STK33: variants seen among roughly 807,000 people sequenced by gnomAD.
The protein encoded by STK33 is serine/threonine kinase 33.
STK33 carries 52 observed loss-of-function variants against 58.0 expected under a neutral mutation model. That is an observed-to-expected ratio of 0.90 (90% CI 0.72 to 1.13). The LOEUF is 1.13. Among genes scored for constraint, STK33 ranks in the 50% most tolerant of loss-of-function variants. The pLI, the probability that STK33 is intolerant of heterozygous loss-of-function variation, is 0.00. For missense variants in STK33, 630 were observed against 604.2 expected (o/e 1.04, Z -0.45); for synonymous variants, 215 against 200.1 (o/e 1.07, Z -0.63).
intron 1 of STK33, among the ~76,000 whole-genome samples, chr11:8,580,044 G>A (rs148410795): frequency 2.0e-5 from 3 of 152,240 alleles, no homozygotes; most frequent in African/African-American, 7.2e-5. Flanking sequence ...AACCACTATG[G>A]AGAACAGTTT....
chr11:8,375,727 G>T, the STK33 span, among the ~76,000 whole-genome samples: 5 of 151,972 alleles, frequency 3.3e-5, no homozygotes, highest in Non-Finnish European at 5.9e-5. Flanking sequence ...TTTTATAGAG[G>T]GCTCTTACCC....
At chr11:8,422,692 T>C (rs937278183) in intron 14 of STK33, among the ~76,000 whole-genome samples, 2 of 152,172 alleles carry the variant, frequency 1.3e-5, no homozygotes, top group South Asian at 4.1e-4. Context: ...AAAAGAATTG[T>C]TTTCATTTTG....
At chr11:8,567,500 T>C (rs1225178233) in intron 1 of STK33, among the ~76,000 whole-genome samples, 1 of 152,190 alleles carries the variant, frequency 6.6e-6, no homozygotes, top group Non-Finnish European at 1.5e-5. Flanking sequence ...AAAGAGTCTT[T>C]ACAGGAACAC....
intron 1 of STK33, among the ~76,000 whole-genome samples, chr11:8,553,222 T>TAC (rs1565347962): frequency 1.8e-5 from 2 of 108,538 alleles, no homozygotes; most frequent in African/African-American, 7.7e-5. Context: ...TATATATATA[T>TAC]ATGGTGTGTA....
chr11:8,372,514 C>T, the STK33 span, among the ~76,000 whole-genome samples: 1 of 152,224 alleles, frequency 6.6e-6, no homozygotes, highest in Non-Finnish European at 1.5e-5. Context: ...CCTCAGCTTC[C>T]CAGTTAGAAA....
intron 1 of STK33, among the ~76,000 whole-genome samples, chr11:8,524,803 A>T (rs1482315367): frequency 6.6e-6 from 1 of 151,914 alleles, no homozygotes; most frequent in East Asian, 1.9e-4. Context: ...GTACTTAAAA[A>T]TTTGCCAATA....
At chr11:8,419,698 T>C (rs956482095) in intron 14 of STK33, among the ~76,000 whole-genome samples, 2 of 152,204 alleles carry the variant, frequency 1.3e-5, no homozygotes, top group Non-Finnish European at 2.9e-5. Flanking sequence ...ATGATATTGA[T>C]TCTTCCGATC....
intron 1 of STK33, among the ~76,000 whole-genome samples, chr11:8,542,076 G>A (rs1198494295): frequency 3.3e-5 from 5 of 152,284 alleles, no homozygotes; most frequent in East Asian, 3.9e-4. Flanking sequence ...AAAAATAAGC[G>A]TTAGAAGGTT....
intron 14 of STK33, among the ~76,000 whole-genome samples, chr11:8,420,483 A>G (rs1407473553): frequency 6.6e-6 from 1 of 152,192 alleles, no homozygotes; most frequent in Non-Finnish European, 1.5e-5. Context: ...ATTTCTAGTG[A>G]GAGGTATAGC....
At chr11:8,504,114 G>A (rs2139217338) in intron 1 of STK33, among the ~76,000 whole-genome samples, 1 of 152,250 alleles carries the variant, frequency 6.6e-6, no homozygotes, top group Admixed American at 6.5e-5. Context: ...CCCGCTCCAT[G>A]TTTTATCTCC....
chr11:8,400,206 T>A (rs1210568811), intron 15 of STK33, among the ~76,000 whole-genome samples: 1 of 152,168 alleles, frequency 6.6e-6, no homozygotes, highest in African/African-American at 2.4e-5. Context: ...TAAACATTGA[T>A]GCAAAAATCC....
At chr11:8,569,325 T>C (rs940804819) in intron 1 of STK33, among the ~76,000 whole-genome samples, 5 of 152,208 alleles carry the variant, frequency 3.3e-5, no homozygotes, top group Non-Finnish European at 7.3e-5. Context: ...AGAAGTCAAC[T>C]GATTTTTGAC....
Position 8,513,627 on chromosome 11 carries a change from A to G in STK33, c.-465-33013T>C, listed in dbSNP as rs940025782. Among the ~76,000 whole-genome samples the G allele has an allele frequency of 4.6e-5, 7 of 152,290 alleles. 1 individual carries two copies. In the Middle Eastern group the frequency reaches 0.01, roughly 222 times the overall value. ...GAAATTGAGGCTGCTTTTTTAAATC[A>G]AAAGTACTCAAGACTTTAAAACATT... On this transcript the variant is annotated intron_variant, in intron 1 of 15. Coordinates refer to ENST00000687296, the MANE Select transcript of STK33 (RefSeq NM_001352389.2).
intron 8 of STK33, among the ~76,000 whole-genome samples, chr11:8,459,758 C>T (rs796903990): frequency 1.9e-4 from 29 of 152,074 alleles, no homozygotes; most frequent in East Asian, 5.8e-4. Flanking sequence ...GTTCACAGGA[C>T]GGAGCATCAA....
intron 1 of STK33, among the ~76,000 whole-genome samples, chr11:8,528,417 G>C (rs1436477467): frequency 6.6e-6 from 1 of 152,088 alleles, no homozygotes; most frequent in Non-Finnish European, 1.5e-5. Flanking sequence ...AACAATTTAG[G>C]AACTGCTCCC....
At chr11:8,383,784 G>C in the STK33 span, among the ~76,000 whole-genome samples, 1 of 152,212 alleles carries the variant, frequency 6.6e-6, no homozygotes, top group African/African-American at 2.4e-5. Context: ...CTTGAGTGAG[G>C]GAGACACACT....
chr11:8,384,889 A>C, the STK33 span, among the ~76,000 whole-genome samples: 1 of 152,120 alleles, frequency 6.6e-6, no homozygotes, highest in Non-Finnish European at 1.5e-5. Flanking sequence ...GCTGTCTTTC[A>C]TACTCTTAGT....
the STK33 span, among the ~76,000 whole-genome samples, chr11:8,368,442 C>G: frequency 6.6e-6 from 1 of 152,228 alleles, no homozygotes. Flanking sequence ...TGGCTACCCC[C>G]TCACCCTCAG....
chr11:8,350,405 T>C, the STK33 span, among the ~76,000 whole-genome samples: 1 of 152,130 alleles, frequency 6.6e-6, no homozygotes, highest in African/African-American at 2.4e-5. Flanking sequence ...CAAATGAGGC[T>C]AGGAACAGGC....
Sources: allele counts gnomAD v4.1 joint callset (sites outside exome capture counted in the v4.1 genomes callset), GRCh38; gene constraint gnomAD v4.1.1; transcripts MANE v1.5; gene names NCBI Gene and HGNC (gene_info 2026-07-23, HGNC 2026-07-21).